PRORP: variants seen among roughly 807,000 people sequenced by gnomAD.
The protein encoded by PRORP is protein only RNase P catalytic subunit.
In PRORP, 51 loss-of-function variants were observed where a neutral mutation model predicts 59.4. The observed-to-expected ratio is 0.86, with a 90% CI of 0.69 to 1.08. The LOEUF (loss-of-function observed/expected upper bound fraction) is 1.08. Ranked by LOEUF, PRORP falls within the 50% of genes least tolerant of loss-of-function variation. The probability of loss-of-function intolerance (pLI) is 0.00; values close to 1 mark genes in which losing one functional copy is unlikely to be tolerated. For missense variants in PRORP, 646 were observed against 690.3 expected (o/e 0.94, Z 0.72); for synonymous variants, 231 against 245.6 (o/e 0.94, Z 0.55).
chr14:35,269,807 G>T (rs1366237123), intron 6 of PRORP, among the ~76,000 whole-genome samples: 1 of 152,110 alleles, frequency 6.6e-6, no homozygotes, highest in Non-Finnish European at 1.5e-5. Flanking sequence ...GGTCGTTACT[G>T]CCATTTTTAC....
intron 5 of PRORP, among the ~76,000 whole-genome samples, chr14:35,187,588 A>C (rs147879443): frequency 1.0e-3 from 153 of 151,462 alleles, no homozygotes; most frequent in Non-Finnish European, 1.9e-3. Flanking sequence ...ATGCCTGGCT[A>C]ATTTTTTTTT....
chr14:35,196,737 A>G (rs1052209458), intron 5 of PRORP, among the ~76,000 whole-genome samples: 4 of 152,176 alleles, frequency 2.6e-5, no homozygotes, highest in African/African-American at 4.8e-5. Flanking sequence ...TAGGTCAAAC[A>G]GTGCCAGGCT....
At chr14:35,264,229 G>A (rs1344532288) in intron 5 of PRORP, among the ~76,000 whole-genome samples, 2 of 152,048 alleles carry the variant, frequency 1.3e-5, no homozygotes, top group South Asian at 2.1e-4. Flanking sequence ...ACGGATTCAA[G>A]CAATTCTCCT....
At chr14:35,248,916 C>CTAGT in intron 5 of PRORP, among the ~76,000 whole-genome samples, 1 of 152,256 alleles carries the variant, frequency 6.6e-6, no homozygotes, top group African/African-American at 2.4e-5. Context: ...CCGCACTGGA[C>CTAGT]TAGTGTAAGT....
chr14:35,266,622 C>G, intron 5 of PRORP, 105 bp from the exon 6 acceptor site: 1 of 1,183,294 alleles, frequency 8.5e-7, no homozygotes. Flanking sequence ...TTACCCCCTA[C>G]CAGAAAAGAG....
intron 4 of PRORP, 30 bp from the exon 5 acceptor site, chr14:35,180,640 T>C: frequency 7.3e-7 from 1 of 1,367,960 alleles, no homozygotes. Flanking sequence ...TGAGTTCTTA[T>C]TAATGTTTTG....
chr14:35,202,259 C>T (rs1246880188), intron 5 of PRORP, among the ~76,000 whole-genome samples: 2 of 151,912 alleles, frequency 1.3e-5, no homozygotes, highest in Non-Finnish European at 2.9e-5. Flanking sequence ...CCTGGCCTCA[C>T]AAAATTATTT....
At chr14:35,206,358 A>C (rs17103098) in intron 5 of PRORP, among the ~76,000 whole-genome samples, 15,592 of 152,208 alleles carry the variant, frequency 0.1, 885 homozygotes, top group African/African-American at 0.15. Context: ...CCTTCTTCCC[A>C]TGGTGAGAAT....
At chr14:35,127,434 T>G in intron 3 of PRORP, 45 bp from the exon 4 acceptor site, 1 of 1,406,106 alleles carries the variant, frequency 7.1e-7, no homozygotes, top group Non-Finnish European at 9.4e-7. Context: ...CCCAGAACAT[T>G]ATTCGACATA....
rs76955249 is a variant in PRORP at position 35,254,948 on chromosome 14, C to T, written c.1276-11779C>T. 4.7e-3 allele frequency among the ~76,000 whole-genome samples: 719 copies of T among 152,160 alleles called. 9 individuals carry two copies. The highest frequency in any genetic ancestry group is 0.016 in the African/African-American group (674 of 41,512). ...GTTCTTGGAAATTCCCATTCCTTGC[C>T]GGGCTAGTTCATCTGAAAACTCAGC... On this transcript the variant is annotated intron_variant, in intron 5 of 7. Coordinates refer to ENST00000534898, the MANE Select transcript of PRORP (RefSeq NM_014672.4).
chr14:35,166,532 C>T (rs1328013937), intron 4 of PRORP, among the ~76,000 whole-genome samples: 4 of 150,420 alleles, frequency 2.7e-5, no homozygotes, highest in African/African-American at 4.9e-5. Context: ...TCACTGCAAC[C>T]TCTGCCTCCT....
In PRORP at chr14:35,126,749, A is replaced by G; in HGVS notation, c.1001A>G (p.Gln334Arg). 1 of 1,610,712 alleles carries G rather than the reference A, an allele frequency of 6.2e-7. No individual in the cohort carries two copies. The highest frequency in any genetic ancestry group is 8.5e-7 in the Non-Finnish European group (1 of 1,177,986). ...TCTTTTCATAGTGTTCCTGGAAAAC[A>G]ATGGAAAGGACAATTCACCACAGTC... ...KTWFESVPGK[Q>R]WKGQFTTVRK... The change falls in exon 3 of 8, where the codon CAA becomes CGA. Residue 334 changes from glutamine to arginine, a missense_variant. Transcript: ENST00000534898.
chr14:35,241,082 T>C (rs536411817), intron 5 of PRORP, among the ~76,000 whole-genome samples: 43 of 152,186 alleles, frequency 2.8e-4, no homozygotes, highest in Middle Eastern at 3.4e-3. Context: ...TGATTTTAAA[T>C]ATATGGGAGG....
rs548763434 is a variant in PRORP at position 35,123,379 on chromosome 14, T to C, written c.134T>C (p.Leu45Ser). The C allele has an allele frequency of 6.2e-7, 1 of 1,614,202 alleles. No homozygotes were observed. The highest frequency in any genetic ancestry group is 2.2e-5 in the East Asian group (1 of 44,896). Residue 45 changes from leucine to serine, a missense_variant, in exon 2 of 8, where the codon TTG becomes TCG. Physicochemically the swap from Leu to Ser is moderately radical, Grantham distance 145 (BLOSUM62 -2). Transcript: ENST00000534898. ...DRCGIRNQQR[L>S]FSLKTMSPQN... Reference sequence around the variant, plus strand: ...TGTGGCATCAGGAACCAGCAGAGGTTGTTTTCTCTTAAAACAATGTCTCCA... The same window carrying C: ...TGTGGCATCAGGAACCAGCAGAGGTCGTTTTCTCTTAAAACAATGTCTCCA...
Position 35,127,592 on chromosome 14 carries a change from A to T in PRORP, c.1148A>T (p.Tyr383Phe). ...MRDVIDGGDQYRKTTPQELKR... is the reference protein window; with the variant it reads ...MRDVIDGGDQFRKTTPQELKR... ...GATGTGATAGATGGAGGTGACCAGT[A>T]CAGAAAGACAACACCTCAGGTGAGT... The change falls in exon 4 of 8, where the codon TAC becomes TTC. Residue 383 changes from tyrosine (Y) to phenylalanine (F), a missense_variant. Tyr to Phe is a conservative substitution (Grantham distance 22). Transcript: ENST00000534898. 2 of 1,614,122 alleles carry T rather than the reference A, an allele frequency of 1.2e-6. No individual in the cohort carries two copies. The highest frequency in any genetic ancestry group is 2.7e-5 in the African/African-American group (2 of 75,054).
chr14:35,176,464 G>GT (rs2048453004), intron 4 of PRORP, among the ~76,000 whole-genome samples: 1 of 152,126 alleles, frequency 6.6e-6, no homozygotes, highest in African/African-American at 2.4e-5. Context: ...CACATCCCTT[G>GT]TAAGTTGGAT....
At chr14:35,192,279 CT>C (rs1435073391) in intron 5 of PRORP, among the ~76,000 whole-genome samples, 1 of 152,172 alleles carries the variant, frequency 6.6e-6, no homozygotes, top group Non-Finnish European at 1.5e-5. Context: ...CTTCAAATGG[CT>C]GGATTATTAT....
intron 5 of PRORP, among the ~76,000 whole-genome samples, chr14:35,242,733 A>G (rs1314825993): frequency 1.3e-5 from 2 of 152,114 alleles, no homozygotes; most frequent in Admixed American, 1.3e-4. Flanking sequence ...GATTAGGGCC[A>G]TGTTTGGTAT....
chr14:35,180,300 C>G (rs1161317644), intron 4 of PRORP, among the ~76,000 whole-genome samples: 1 of 152,172 alleles, frequency 6.6e-6, no homozygotes, highest in Non-Finnish European at 1.5e-5. Context: ...GAGCCGTGGA[C>G]TGGAGCTGTT....
Sources: allele counts gnomAD v4.1 joint callset (sites outside exome capture counted in the v4.1 genomes callset), GRCh38; gene constraint gnomAD v4.1.1; transcripts MANE v1.5; gene names NCBI Gene and HGNC (gene_info 2026-07-23, HGNC 2026-07-21).